MYCBP2: variants seen among roughly 807,000 people sequenced by gnomAD.
MYCBP2 encodes E3 ubiquitin-protein ligase MYCBP2.
A neutral mutation model predicts 525.3 loss-of-function variants in MYCBP2; 120 were observed. The observed-to-expected ratio is 0.23, with a 90% confidence interval of 0.20 to 0.27. MYCBP2 has a LOEUF of 0.27. Among genes scored for constraint, MYCBP2 ranks in the 10% least tolerant of loss-of-function variants. MYCBP2 has a pLI of 1.00. For synonymous variants in MYCBP2, 1,894 were observed against 1,955.8 expected, an observed-to-expected ratio of 0.97 and a Z score of 0.83; for missense variants, 4,149 against 5,657.1, an observed-to-expected ratio of 0.73 and a Z score of 8.55.
chr13:77,167,006 CA>C (rs1312390508), intron 40 of MYCBP2, among the ~76,000 whole-genome samples: 6 of 151,070 alleles, frequency 4.0e-5, no homozygotes, highest in East Asian at 1.9e-4. Flanking sequence ...CACACACACA[CA>C]CACACACACA....
intron 10 of MYCBP2, among the ~76,000 whole-genome samples, 167 bp downstream of exon 10, chr13:77,263,484 C>T (rs2073635109): frequency 6.6e-6 from 1 of 151,896 alleles, no homozygotes; most frequent in Admixed American, 6.6e-5. Flanking sequence ...CTGTGTTTCC[C>T]AGTTATTTAT....
At chr13:77,288,799 A>C (rs1206281583) in intron 2 of MYCBP2, among the ~76,000 whole-genome samples, 1 of 152,196 alleles carries the variant, frequency 6.6e-6, no homozygotes, top group Non-Finnish European at 1.5e-5. Context: ...GTAGATATAG[A>C]AGTTTACACA....
chr13:77,071,271 G>GCACACACACACACACACA (rs71814048), intron 68 of MYCBP2, among the ~76,000 whole-genome samples: 6 of 142,734 alleles, frequency 4.2e-5, no homozygotes, highest in African/African-American at 8.1e-5. Context: ...GTGTGCACAC[G>GCACACACACACACACACA]CACACACACA....
At chr13:77,225,865 A>C (rs2066181495) in intron 18 of MYCBP2, among the ~76,000 whole-genome samples, 1 of 152,240 alleles carries the variant, frequency 6.6e-6, no homozygotes, top group South Asian at 2.1e-4. Context: ...AAAATGTAAC[A>C]GTTTATATGG....
Position 77,171,660 on chromosome 13 carries a change from AT to A in MYCBP2, c.5652-27del. 2.5e-6 allele frequency: 4 copies of A among 1,609,882 alleles called. No individual in the cohort carries two copies. The South Asian group carries it at 4.4e-5, about 18-fold the overall frequency. The stretch of plus-strand genomic sequence containing the variant: ...CTGTAGCATGAGCAAACATGAGATT[AT>A]TTTACAATGGTAAGTAAAACATGAT... On this transcript the variant is annotated intron_variant, in intron 37 of 82. Transcript: ENST00000544440.
rs757985720 is a variant in MYCBP2, at chr13:77,118,408, G to A, written c.8140+2965C>T. On this transcript the variant is annotated intron_variant, in intron 55 of 82. Transcript: ENST00000544440. Reference sequence around the variant, plus strand: ...AAATGGGCTGTGTACTAGGGAAGAGGGAGGTTTTGCAGCTTGATCAAAGAT... The same window carrying A: ...AAATGGGCTGTGTACTAGGGAAGAGAGAGGTTTTGCAGCTTGATCAAAGAT... 1.2e-5 allele frequency: 9 copies of A among 764,572 alleles called. No homozygotes were observed. In the Admixed American group the frequency reaches 1.5e-4, roughly 13 times the overall value. The allele number at this position is 764,572 out of a possible 1,614,324, so 47.4% of individuals were successfully genotyped here.
intron 27 of MYCBP2, among the ~76,000 whole-genome samples, chr13:77,193,477 C>T (rs1322039458): frequency 6.6e-6 from 1 of 152,208 alleles, no homozygotes; most frequent in African/African-American, 2.4e-5. Context: ...GGAAACATAG[C>T]ACACTATTAC....
chr13:77,140,064 T>C lies in MYCBP2; in HGVS notation c.7501A>G (p.Ile2501Val). Reference protein sequence around the residue: ...QIGIVKVNGTITFIDEIHNDD... With the variant: ...QIGIVKVNGTVTFIDEIHNDD... ...TCAATTACCTCATCAATAAAAGTGA[T>C]AGTTCCATTGACTTTCACTATGCCT... Residue 2501 changes from isoleucine to valine, a missense_variant, in exon 51 of 83, where the codon ATC becomes GTC. Physicochemically the swap from Ile to Val is conservative, Grantham distance 29. Transcript: ENST00000544440. 6.2e-7 allele frequency: 1 copy of C among 1,607,826 alleles called. No homozygotes were observed. Among genetic ancestry groups the C allele is most frequent in the South Asian group, 1.1e-5 (1 of 89,950 alleles).
chr13:77,244,521 G>A (rs2069517140), intron 15 of MYCBP2, among the ~76,000 whole-genome samples: 1 of 152,046 alleles, frequency 6.6e-6, no homozygotes, highest in African/African-American at 2.4e-5. Context: ...AATTCAAGAT[G>A]GATTAAAGAT....
chr13:77,142,088 GA>G (rs1245729250), intron 49 of MYCBP2, among the ~76,000 whole-genome samples: 2 of 152,044 alleles, frequency 1.3e-5, no homozygotes, highest in African/African-American at 4.8e-5. Context: ...ATAAGATGAT[GA>G]AAAAAACTCT....
chr13:77,287,425 T>G (rs1293795881), intron 3 of MYCBP2, among the ~76,000 whole-genome samples: 1 of 152,104 alleles, frequency 6.6e-6, no homozygotes, highest in Non-Finnish European at 1.5e-5. Context: ...CCTCAGGTGA[T>G]CCACCCGCCT....
At chr13:77,144,286 A>G (rs1418965850) in intron 49 of MYCBP2, 159 bp downstream of exon 49, 2 of 598,576 alleles carry the variant, frequency 3.3e-6, no homozygotes. Flanking sequence ...TTAATGCACT[A>G]ATTAAATACT....
intron 69 of MYCBP2, among the ~76,000 whole-genome samples, chr13:77,069,495 T>C (rs1001121626): frequency 9.3e-5 from 14 of 150,648 alleles, no homozygotes; most frequent in African/African-American, 3.2e-4. Context: ...ATCCCAGCAG[T>C]TTGGGAGGCC....
At chr13:77,156,338 G>A (rs2057211264) in intron 45 of MYCBP2, 136 bp from the exon 46 acceptor site, 1 of 780,236 alleles carries the variant, frequency 1.3e-6, no homozygotes, top group African/African-American at 1.7e-5. Context: ...TTCCAACTCA[G>A]TGATAATCAT....
At position 77,173,456 on chromosome 13, in the gene MYCBP2, G is replaced by A. The variant is rs185266039; in HGVS notation, c.5651+855C>T. ...ACTAGACAGCTTTTGTATTTCAGCA[G>A]CAACAATGAACTACATAGCTATTTG... On this transcript the variant is annotated intron_variant, in intron 37 of 82. Coordinates refer to ENST00000544440, the MANE Select transcript of MYCBP2 (RefSeq NM_015057.5). 1.7e-3 allele frequency among the ~76,000 whole-genome samples: 258 copies of A among 152,318 alleles called. 1 individual carries two copies. Among genetic ancestry groups the A allele is most frequent in the African/African-American group, 6.0e-3 (248 of 41,564 alleles).
intron 58 of MYCBP2, among the ~76,000 whole-genome samples, chr13:77,093,722 T>C (rs187052187): frequency 2.3e-4 from 35 of 152,292 alleles, no homozygotes; most frequent in Admixed American, 1.9e-3. Context: ...CCATTCTCTC[T>C]TCTCATTCCC....
At chr13:77,194,477 T>C (rs770957381) in intron 26 of MYCBP2, among the ~76,000 whole-genome samples, 9 of 152,210 alleles carry the variant, frequency 5.9e-5, no homozygotes, top group Non-Finnish European at 1.2e-4. Context: ...TATATATTCA[T>C]CTATTTACAT....
At chr13:77,228,232 A>T (rs2066588350) in intron 18 of MYCBP2, among the ~76,000 whole-genome samples, 1 of 152,142 alleles carries the variant, frequency 6.6e-6, no homozygotes, top group Non-Finnish European at 1.5e-5. Context: ...CAAGCTGGGC[A>T]TGGTGGTTCA....
intron 17 of MYCBP2, among the ~76,000 whole-genome samples, chr13:77,238,881 A>G (rs1411623536): frequency 6.6e-6 from 1 of 152,216 alleles, no homozygotes; most frequent in Non-Finnish European, 1.5e-5. Context: ...CTGTACTCCC[A>G]GCACTTTGGG....
Sources: allele counts gnomAD v4.1 joint callset (sites outside exome capture counted in the v4.1 genomes callset), GRCh38; gene constraint gnomAD v4.1.1; transcripts MANE v1.5; gene names NCBI Gene and HGNC (gene_info 2026-07-23, HGNC 2026-07-21).